RPS6KA2: variants seen among roughly 807,000 people sequenced by gnomAD.
The protein encoded by RPS6KA2 is ribosomal protein S6 kinase A2, also known as ribosomal protein S6 kinase alpha-2.
RPS6KA2 carries 42 observed loss-of-function variants against 91.8 expected under a neutral mutation model. The ratio of observed to expected loss-of-function variants is 0.46; its 90% CI spans 0.36 to 0.59. RPS6KA2 has a LOEUF of 0.59. RPS6KA2 is among the 20% of genes least tolerant of loss of function. The probability of loss-of-function intolerance (pLI) is 0.00; values close to 1 mark genes in which losing one functional copy is unlikely to be tolerated. For missense variants in RPS6KA2, 798 were observed against 978.5 expected (o/e 0.82, Z 2.46); for synonymous variants, 414 against 393.6 (o/e 1.05, Z -0.61).
chr6:166,568,907 A>G (rs1182633302), intron 1 of RPS6KA2, among the ~76,000 whole-genome samples: 1 of 152,242 alleles, frequency 6.6e-6, no homozygotes, highest in Non-Finnish European at 1.5e-5. Context: ...AAATCTGGGT[A>G]TCAATCTAGA....
At position 166,743,832 on chromosome 6, in the gene RPS6KA2, C is replaced by T. The variant is rs1011174638; in HGVS notation, c.123+114368G>A. ...AGGGCTTTGGCTGGTGGTCAGTGCA[C>T]GGCAGACAGGGCTTTGGCTGGTGGT... On this transcript the variant is annotated intron_variant, in intron 2 of 21. Coordinates refer to the RPS6KA2 transcript ENST00000503859. 1.0e-4 allele frequency among the ~76,000 whole-genome samples: 15 copies of T among 150,746 alleles called. No individual in the cohort carries two copies. In the East Asian group the frequency reaches 2.0e-3, roughly 20 times the overall value.
intron 1 of RPS6KA2, among the ~76,000 whole-genome samples, chr6:166,616,181 G>A (rs183314387): frequency 2.6e-5 from 4 of 152,260 alleles, no homozygotes; most frequent in Admixed American, 1.3e-4. Context: ...CATTTATTAC[G>A]GGTCAGACCC....
At chr6:166,778,235 G>C (rs1235249677) in intron 2 of RPS6KA2, among the ~76,000 whole-genome samples, 1 of 152,240 alleles carries the variant, frequency 6.6e-6, no homozygotes, top group Non-Finnish European at 1.5e-5. Context: ...GCTCACGAAA[G>C]GGCAAAGCTG....
At chr6:166,856,961 G>A (rs951762367) in intron 2 of RPS6KA2, among the ~76,000 whole-genome samples, 10 of 152,208 alleles carry the variant, frequency 6.6e-5, no homozygotes, top group Non-Finnish European at 8.8e-5. Flanking sequence ...GGATCGCTGC[G>A]CAGCTAGAAG....
At chr6:166,832,969 TC>T (rs2128627084) in intron 2 of RPS6KA2, among the ~76,000 whole-genome samples, 1 of 152,352 alleles carries the variant, frequency 6.6e-6, no homozygotes, top group East Asian at 1.9e-4. Context: ...CAGCTTGCTC[TC>T]TTATGTAAAT....
intron 11 of RPS6KA2, among the ~76,000 whole-genome samples, chr6:166,466,144 A>C (rs1780511951): frequency 6.6e-6 from 1 of 152,238 alleles, no homozygotes; most frequent in Non-Finnish European, 1.5e-5. Context: ...CTCTGATTCT[A>C]GTCTGATTCC....
intron 1 of RPS6KA2, among the ~76,000 whole-genome samples, chr6:166,589,520 A>C (rs1432476666): frequency 6.6e-6 from 1 of 152,202 alleles, no homozygotes; most frequent in Non-Finnish European, 1.5e-5. Context: ...TAGAATTGAA[A>C]TCAGTTGAAA....
Position 166,563,391 on chromosome 6 carries a change from C to G in RPS6KA2, c.100-24607G>C, listed in dbSNP as rs1040561238. 6.6e-6 allele frequency among the ~76,000 whole-genome samples: 1 copy of G among 152,208 alleles called. No homozygotes were observed. Among genetic ancestry groups the G allele is most frequent in the Admixed American group, 6.5e-5 (1 of 15,288 alleles). ...GCTTTTCCTCCCAGTCTCCTGGGCT[C>G]GCCGCCAGCGGTGGGATCCCTCTTC... On this transcript the variant is annotated intron_variant, in intron 1 of 20. Coordinates refer to ENST00000265678, the MANE Select transcript of RPS6KA2 (RefSeq NM_021135.6). The surrounding 1 kb of genome is among the most constrained non-coding windows in gnomAD (Gnocchi z 4.1).
chr6:166,422,770 C>T lies in RPS6KA2; in HGVS notation c.1743+486G>A, dbSNP rs181552058. Reference sequence around the variant, plus strand: ...AGTGGCAAATCACCCCGGAGCCCTGCGGTTCTCAATCTGACAGCTGCTGAC... The same window carrying T: ...AGTGGCAAATCACCCCGGAGCCCTGTGGTTCTCAATCTGACAGCTGCTGAC... On this transcript the variant is annotated intron_variant, in intron 17 of 20. Transcript: ENST00000265678. 3.0e-4 allele frequency among the ~76,000 whole-genome samples: 45 copies of T among 152,266 alleles called. No homozygotes were observed. The East Asian group carries it at 4.6e-3, about 16-fold the overall frequency.
At chr6:166,850,009 C>T (rs577677235) in intron 2 of RPS6KA2, among the ~76,000 whole-genome samples, 3 of 152,224 alleles carry the variant, frequency 2.0e-5, no homozygotes, top group East Asian at 1.9e-4. Context: ...ACGGGGCCTC[C>T]GCCAGGGACG....
intron 14 of RPS6KA2, among the ~76,000 whole-genome samples, chr6:166,447,202 C>T (rs2281055): frequency 0.22 from 34,099 of 152,056 alleles, 7,658 homozygotes; most frequent in African/African-American, 0.58. Context: ...TTTCTCCTGC[C>T]CTTCACACCA....
At chr6:166,803,252 T>A (rs1261309834) in intron 2 of RPS6KA2, among the ~76,000 whole-genome samples, 2 of 152,352 alleles carry the variant, frequency 1.3e-5, no homozygotes, top group East Asian at 1.9e-4. Flanking sequence ...AGAAGTTTGC[T>A]CTTTGTTACC....
chr6:166,498,373 T>G, intron 8 of RPS6KA2, 135 bp downstream of exon 8: 1 of 1,014,876 alleles, frequency 9.9e-7, no homozygotes. Context: ...ATGCTTGGCC[T>G]GGACACTTGC....
rs1440020751 is a variant in RPS6KA2, at chr6:166,767,058, G to T, written c.123+91142C>A. On this transcript the variant is annotated intron_variant, in intron 2 of 21. Transcript: ENST00000503859. The surrounding 1 kb of genome is among the most constrained non-coding windows in gnomAD (Gnocchi z 4.6). The stretch of plus-strand genomic sequence containing the variant: ...ACTCACCGCCACGAGAGTGAATGAA[G>T]GTCCCTTCCTTACCTGGGGGCTGCC... Among the ~76,000 whole-genome samples the T allele has an allele frequency of 6.6e-6, 1 of 152,186 alleles. No individual in the cohort carries two copies. Among genetic ancestry groups the T allele is most frequent in the African/African-American group, 2.4e-5 (1 of 41,436 alleles).
intron 1 of RPS6KA2, among the ~76,000 whole-genome samples, chr6:166,596,439 G>A (rs1413025878): frequency 6.6e-6 from 1 of 152,198 alleles, no homozygotes; most frequent in Non-Finnish European, 1.5e-5. Flanking sequence ...GCAGGCAGGA[G>A]AAGATGGAAG....
At chr6:166,617,359 A>T (rs374237380) in intron 1 of RPS6KA2, among the ~76,000 whole-genome samples, 15 of 152,228 alleles carry the variant, frequency 9.9e-5, no homozygotes, top group African/African-American at 3.6e-4. Flanking sequence ...TGTTGCTTTT[A>T]AAAATTTTTA....
chr6:166,569,252 C>G (rs1425180158), intron 1 of RPS6KA2, among the ~76,000 whole-genome samples: 1 of 152,226 alleles, frequency 6.6e-6, no homozygotes, highest in Non-Finnish European at 1.5e-5. Context: ...TGGTTTGGCC[C>G]ATTCTGCTCC....
intron 2 of RPS6KA2, among the ~76,000 whole-genome samples, chr6:166,713,804 G>C: frequency 6.6e-6 from 1 of 152,240 alleles, no homozygotes; most frequent in East Asian, 1.9e-4. Flanking sequence ...GTCAGCACTG[G>C]CCACGTTATC....
At chr6:166,855,914 C>T (rs1233310758) in intron 2 of RPS6KA2, among the ~76,000 whole-genome samples, 4 of 152,170 alleles carry the variant, frequency 2.6e-5, no homozygotes, top group African/African-American at 7.2e-5. Context: ...TATCCAGATA[C>T]AGTAAGCATC....
Sources: gnomAD v4.1 joint callset for allele counts (sites outside exome capture counted in the v4.1 genomes callset) on GRCh38, gnomAD v4.1.1 for gene constraint, Gnocchi (gnomAD v3.1) non-coding constraint, MANE v1.5 for transcripts, NCBI Gene and HGNC (gene_info 2026-07-23, HGNC 2026-07-21) for gene names.